AFF2: variants seen among roughly 807,000 people sequenced by gnomAD.
AFF2 encodes the protein ALF transcription elongation factor 2, also known as AF4/FMR2 family member 2.
In AFF2, 14 loss-of-function variants were observed where a neutral mutation model predicts 76.9. The ratio of observed to expected loss-of-function variants is 0.18; its 90% CI spans 0.12 to 0.28. The LOEUF is 0.28. Ranked by LOEUF, AFF2 falls within the 10% of genes least tolerant of loss-of-function variation. The probability of loss-of-function intolerance (pLI) is 1.00; values close to 1 mark genes in which losing one functional copy is unlikely to be tolerated. For synonymous variants in AFF2, 398 were observed against 366.7 expected (o/e 1.09, Z -0.98); for missense variants, 868 against 1,001.1 (o/e 0.87, Z 1.79).
chrX:148,827,805 C>T (rs1407269113), intron 4 of AFF2, among the ~76,000 whole-genome samples: 1 of 111,757 alleles, frequency 8.9e-6, no homozygotes, highest in Non-Finnish European at 1.9e-5. Context: ...CTGTCAGATA[C>T]CTTGCAAGGA....
intron 1 of AFF2, among the ~76,000 whole-genome samples, chrX:148,544,366 C>A (rs1312630277): frequency 8.9e-6 from 1 of 111,942 alleles, no homozygotes; most frequent in African/African-American, 3.2e-5. Context: ...TGATTTGCTG[C>A]CCCAAGGAAA....
intron 3 of AFF2, among the ~76,000 whole-genome samples, chrX:148,694,961 G>T (rs59425957): frequency 9.3e-6 from 1 of 107,833 alleles, no homozygotes; most frequent in Admixed American, 1.0e-4. Flanking sequence ...GATTACAGGC[G>T]CCCGCCACCA....
chrX:148,778,060 A>C (rs1457196235), intron 3 of AFF2, among the ~76,000 whole-genome samples: 3 of 112,124 alleles, frequency 2.7e-5, no homozygotes, highest in Admixed American at 1.9e-4. Context: ...TTTTAGCATG[A>C]AGCAGTGTTG....
At chrX:148,897,238 T>C (rs1425084031) in intron 8 of AFF2, among the ~76,000 whole-genome samples, 1 of 25,288 alleles carries the variant, frequency 4.0e-5, no homozygotes, top group African/African-American at 1.7e-4. Flanking sequence ...TATATATATA[T>C]ATATATATAT....
intron 3 of AFF2, among the ~76,000 whole-genome samples, chrX:148,785,150 C>T (rs1286041554): frequency 3.6e-5 from 4 of 112,246 alleles, no homozygotes; most frequent in Non-Finnish European, 5.6e-5. Flanking sequence ...TACACAGAGT[C>T]ACACAGAAAC....
intron 3 of AFF2, among the ~76,000 whole-genome samples, chrX:148,706,119 C>T (rs1294171379): frequency 8.9e-6 from 1 of 112,120 alleles, no homozygotes; most frequent in Non-Finnish European, 1.9e-5. Context: ...ATATCACTCC[C>T]TTCACTTCAG....
At chrX:148,949,860 A>T (rs1233829206) in intron 9 of AFF2, among the ~76,000 whole-genome samples, 2 of 112,999 alleles carry the variant, frequency 1.8e-5, no homozygotes, top group East Asian at 5.5e-4. Flanking sequence ...GAAAAATAAC[A>T]TTAATACAGT....
At chrX:148,675,209 G>T (rs1288575624) in intron 3 of AFF2, among the ~76,000 whole-genome samples, 1 of 110,658 alleles carries the variant, frequency 9.0e-6, no homozygotes, top group Admixed American at 9.6e-5. Context: ...ATAACAGACA[G>T]GATCTGTTTA....
intron 1 of AFF2, among the ~76,000 whole-genome samples, chrX:148,572,763 T>C (rs1171824065): frequency 3.6e-5 from 4 of 111,081 alleles, no homozygotes; most frequent in Non-Finnish European, 7.6e-5. Context: ...GAGGGGAGAA[T>C]GTAGAGTGAC....
At chrX:148,648,274 T>C (rs1013265856) in intron 1 of AFF2, among the ~76,000 whole-genome samples, 1 of 110,870 alleles carries the variant, frequency 9.0e-6, no homozygotes, top group African/African-American at 3.3e-5. Context: ...AATATAAAAA[T>C]CCTGGGCTGG....
chrX:148,607,017 T>A (rs2053678824), intron 1 of AFF2, among the ~76,000 whole-genome samples: 2 of 111,452 alleles, frequency 1.8e-5, no homozygotes, highest in African/African-American at 6.5e-5. Flanking sequence ...ATTGGCTTCG[T>A]GTGCCATGCA....
intron 1 of AFF2, among the ~76,000 whole-genome samples, chrX:148,646,171 T>C (rs2054141375): frequency 1.0e-5 from 1 of 99,491 alleles, no homozygotes; most frequent in Non-Finnish European, 2.0e-5. Context: ...CCTAAAAGTG[T>C]ACAGAGCCTC....
intron 9 of AFF2, among the ~76,000 whole-genome samples, chrX:148,939,490 T>C (rs1557285356): frequency 2.7e-5 from 3 of 112,271 alleles, no homozygotes; most frequent in Non-Finnish European, 5.6e-5. Flanking sequence ...TGTGCATATG[T>C]GTATGCTAGT....
intron 3 of AFF2, among the ~76,000 whole-genome samples, chrX:148,763,748 A>G (rs1472315553): frequency 1.8e-5 from 2 of 111,991 alleles, no homozygotes; most frequent in Non-Finnish European, 3.8e-5. Flanking sequence ...GGATGAATGC[A>G]AGGATGCTCC....
intron 8 of AFF2, among the ~76,000 whole-genome samples, chrX:148,898,379 G>C (rs781980653): frequency 8.0e-5 from 9 of 112,393 alleles, no homozygotes; most frequent in Non-Finnish European, 1.5e-4. Flanking sequence ...GCCTTAGGAG[G>C]ATTCATCTTG....
At chrX:148,966,416 C>G (rs2072172970) in intron 13 of AFF2, among the ~76,000 whole-genome samples, 1 of 110,708 alleles carries the variant, frequency 9.0e-6, no homozygotes, top group Non-Finnish European at 1.9e-5. Context: ...ATCTCTCCCT[C>G]TCTTTGTCCA....
chrX:148,657,837 TCAA>T (rs2054268788), intron 2 of AFF2, among the ~76,000 whole-genome samples: 1 of 112,386 alleles, frequency 8.9e-6, no homozygotes, highest in Admixed American at 9.4e-5. Context: ...TAATGTTCAA[TCAA>T]GATTACCAAG....
At chrX:148,784,317 A>T (rs1480610398) in intron 3 of AFF2, among the ~76,000 whole-genome samples, 1 of 111,973 alleles carries the variant, frequency 8.9e-6, no homozygotes, top group East Asian at 2.8e-4. Context: ...TTCAGCCCCT[A>T]GTGCTGAGCT....
At chrX:148,944,014 A>C (rs2071870452) in intron 9 of AFF2, among the ~76,000 whole-genome samples, 1 of 112,142 alleles carries the variant, frequency 8.9e-6, no homozygotes, top group Non-Finnish European at 1.9e-5. Context: ...CACTTCCCAA[A>C]TTGAGCAGCA....
Sources: allele counts gnomAD v4.1 joint callset (sites outside exome capture counted in the v4.1 genomes callset), GRCh38; gene constraint gnomAD v4.1.1; transcripts MANE v1.5; gene names NCBI Gene and HGNC (gene_info 2026-07-23, HGNC 2026-07-21).